Variants in ANKHD1 observed in about 807,000 individuals in gnomAD.
ANKHD1 encodes the protein ankyrin repeat and KH domain-containing protein 1.
A neutral mutation model predicts 230.5 loss-of-function variants in ANKHD1; 31 were observed. The ratio of observed to expected loss-of-function variants is 0.13; its 90% CI spans 0.10 to 0.18. The LOEUF (loss-of-function observed/expected upper bound fraction) is 0.18, where lower values mean the gene tolerates loss of function less well. ANKHD1 is among the 10% of genes least tolerant of loss of function. ANKHD1 has a pLI of 1.00. For synonymous variants in ANKHD1, 1,074 were observed against 1,117.6 expected, an observed-to-expected ratio of 0.96 and a Z score of 0.78; for missense variants, 2,256 against 3,071.3, an observed-to-expected ratio of 0.73 and a Z score of 6.27.
At chr5:140,442,716 A>G (rs1773956025) in intron 5 of ANKHD1, among the ~76,000 whole-genome samples, 1 of 152,180 alleles carries the variant, frequency 6.6e-6, no homozygotes, top group Admixed American at 6.5e-5. Context: ...TTGTAAGAAC[A>G]TTTCAGAAAT....
chr5:140,432,243 TC>T (rs1226191682), intron 1 of ANKHD1, among the ~76,000 whole-genome samples: 2 of 152,226 alleles, frequency 1.3e-5, no homozygotes, highest in Non-Finnish European at 2.9e-5. Flanking sequence ...TTACAGTCAC[TC>T]CTATTCTTCC....
intron 6 of ANKHD1, among the ~76,000 whole-genome samples, chr5:140,447,736 G>GTA (rs1774403756): frequency 6.6e-6 from 1 of 152,130 alleles, no homozygotes; most frequent in Non-Finnish European, 1.5e-5. Context: ...TATCCACAAG[G>GTA]TTACAATAAA....
In ANKHD1 at chr5:140,487,056, A is replaced by G. The variant is rs1751535127; in HGVS notation, c.2241A>G (p.Gln747=). Residue 747 remains glutamine, a synonymous_variant, in exon 14 of 34, where the codon CAA becomes CAG. Transcript: ENST00000360839. ...QENSPALLGV[Q]KGTSKQKSSS... The stretch of plus-strand genomic sequence containing the variant: ...ACTCTCCTGCCCTTTTAGGAGTGCA[A>G]AAAGGTTAGTTATTGAATTATTTTT... 6.2e-7 allele frequency: 1 copy of G among 1,607,316 alleles called. No individual in the cohort carries two copies. The highest frequency in any genetic ancestry group is 8.5e-7 in the Non-Finnish European group (1 of 1,177,718).
chr5:140,424,312 C>T (rs1382888305), intron 1 of ANKHD1, among the ~76,000 whole-genome samples: 1 of 152,004 alleles, frequency 6.6e-6, no homozygotes, highest in Non-Finnish European at 1.5e-5. Flanking sequence ...TAGACAATAT[C>T]TTGTTCTGTC....
intron 14 of ANKHD1, among the ~76,000 whole-genome samples, chr5:140,495,446 C>T (rs903755476): frequency 5.3e-5 from 8 of 151,932 alleles, no homozygotes; most frequent in East Asian, 1.9e-4. Flanking sequence ...GGGGTTTCAC[C>T]GTGTTAGCCA....
At chr5:140,500,756 A>T (rs534988606) in intron 15 of ANKHD1, among the ~76,000 whole-genome samples, 1 of 152,016 alleles carries the variant, frequency 6.6e-6, no homozygotes, top group East Asian at 1.9e-4. Context: ...AGAACCTTAG[A>T]TGTAATATGC....
intron 6 of ANKHD1, among the ~76,000 whole-genome samples, chr5:140,448,098 G>C (rs1453174014): frequency 6.6e-6 from 1 of 152,200 alleles, no homozygotes; most frequent in African/African-American, 2.4e-5. Flanking sequence ...TACTCGGGCA[G>C]CTGAGGTGGA....
intron 4 of ANKHD1, 108 bp from the exon 5 acceptor site, chr5:140,440,887 T>C (rs2126921047): frequency 7.7e-7 from 1 of 1,300,742 alleles, no homozygotes; most frequent in Non-Finnish European, 9.8e-7. Context: ...ATTGATTTTT[T>C]CCCACCCCTA....
At chr5:140,519,061 T>C (rs568906706) in intron 24 of ANKHD1, among the ~76,000 whole-genome samples, 48 of 152,348 alleles carry the variant, frequency 3.2e-4, no homozygotes, top group African/African-American at 1.0e-3. Flanking sequence ...CAAAATCTCC[T>C]TAAGCTGATA....
chr5:140,445,196 GTGGTATAATTGGCATAAT>G lies in ANKHD1; in HGVS notation c.914-525_914-508del, dbSNP rs1279871767. The stretch of plus-strand genomic sequence containing the variant: ...TAATTAGTAGGAAAATTGGCCGGGC[GTGGTATAATTGGCATAAT>G]TGGTATAATTGGCATAATTGTCAGA... On this transcript the variant is annotated intron_variant, in intron 5 of 33. Coordinates refer to ENST00000360839, the MANE Select transcript of ANKHD1 (RefSeq NM_017747.3). Among the ~76,000 whole-genome samples the G allele has an allele frequency of 8.6e-5, 13 of 151,814 alleles. No homozygotes were observed. In the South Asian group the frequency reaches 1.9e-3, roughly 22 times the overall value.
At chr5:140,469,339 CAAAAAAAAAAA>C (rs1034952876) in intron 10 of ANKHD1, among the ~76,000 whole-genome samples, 8 of 87,608 alleles carry the variant, frequency 9.1e-5, no homozygotes, top group Non-Finnish European at 1.9e-4. Flanking sequence ...CTGTCTCTAC[CAAAAAAAAAAA>C]AAAAAAAAAA....
intron 24 of ANKHD1, among the ~76,000 whole-genome samples, chr5:140,518,778 A>T (rs10454993): frequency 0.19 from 29,443 of 152,128 alleles, 3,324 homozygotes; most frequent in East Asian, 0.29. Flanking sequence ...TATTGATGGG[A>T]CGTATCTCAA....
rs1366720918 is a variant in ANKHD1 at position 140,528,619 on chromosome 5, C to T, written c.5673C>T (p.Phe1891=). The T allele has an allele frequency of 6.2e-7, 1 of 1,614,048 alleles. No homozygotes were observed. The highest frequency in any genetic ancestry group is 8.5e-7 in the Non-Finnish European group (1 of 1,180,048). The change falls in exon 29 of 34, where the codon TTC becomes TTT. Residue 1891 remains phenylalanine (F), a synonymous_variant. Coordinates refer to ENST00000360839, the MANE Select transcript of ANKHD1 (RefSeq NM_017747.3). The part of the protein sequence containing the change: ...FSPSPNTWGP[F]PVRPVNPGNT... ...CTTCTCCTAACACATGGGGACCATT[C>T]CCAGTGAGACCTGTGAATCCTGGCA...
chr5:140,428,392 G>A (rs1378913311), intron 1 of ANKHD1, among the ~76,000 whole-genome samples: 1 of 152,248 alleles, frequency 6.6e-6, no homozygotes, highest in African/African-American at 2.4e-5. Flanking sequence ...CCGGCACCTC[G>A]GGAGGCCGAG....
chr5:140,440,681 G>T, intron 4 of ANKHD1, among the ~76,000 whole-genome samples: 1 of 152,098 alleles, frequency 6.6e-6, no homozygotes, highest in East Asian at 1.9e-4. Context: ...TTTCTGTCTT[G>T]TGAGTATAGT....
intron 1 of ANKHD1, among the ~76,000 whole-genome samples, chr5:140,418,103 A>G (rs529990801): frequency 4.9e-4 from 73 of 150,398 alleles, no homozygotes; most frequent in Non-Finnish European, 1.0e-3. Context: ...CGGCCTCCCA[A>G]AGTGCTGGGA....
Position 140,528,550 on chromosome 5 carries a change from G to A in ANKHD1, c.5604G>A (p.Arg1868=), listed in dbSNP as rs747291226. The part of the protein sequence containing the change: ...LLAAQTMQQI[R]HPRLPMAQFG... ...CTGCTCAAACTATGCAACAGATTCG[G>A]CATCCTCGCTTACCCATGGCCCAGT... The change falls in exon 29 of 34, where the codon CGG becomes CGA. Residue 1868 remains arginine, a synonymous_variant. Coordinates refer to ENST00000360839, the MANE Select transcript of ANKHD1 (RefSeq NM_017747.3). The A allele has an allele frequency of 1.1e-5, 18 of 1,613,930 alleles. No individual in the cohort carries two copies. The highest frequency in any genetic ancestry group is 1.1e-5 in the Non-Finnish European group (13 of 1,180,036).
At chr5:140,427,685 C>G (rs1283367698) in intron 1 of ANKHD1, among the ~76,000 whole-genome samples, 1 of 147,890 alleles carries the variant, frequency 6.8e-6, no homozygotes, top group African/African-American at 2.5e-5. Flanking sequence ...GGCGGCCGGC[C>G]AGGCAGAGGG....
Position 140,527,091 on chromosome 5 carries a change from C to T in ANKHD1, c.5087+17C>T, listed in dbSNP as rs1441210637. On this transcript the variant is annotated intron_variant, in intron 27 of 33. Transcript: ENST00000360839. The surrounding 1 kb of genome is among the most constrained non-coding windows in gnomAD (Gnocchi z 4.5). ...TGTACGAAGGTAAATAGAATTAGTT[C>T]CATCTTTTTAGCTTTCATATATTTT... The T allele has an allele frequency of 3.1e-6, 5 of 1,599,336 alleles. No individual in the cohort carries two copies. In the East Asian group the frequency reaches 9.0e-5, roughly 29 times the overall value.
Sources: allele counts gnomAD v4.1 joint callset (sites outside exome capture counted in the v4.1 genomes callset), GRCh38; gene constraint gnomAD v4.1.1; non-coding constraint Gnocchi (gnomAD v3.1); transcripts MANE v1.5; gene names NCBI Gene and HGNC (gene_info 2026-07-23, HGNC 2026-07-21).